TCEAL8: variants seen among roughly 807,000 people sequenced by gnomAD.
The protein encoded by TCEAL8 is transcription elongation factor A like 8.
For missense variants in TCEAL8, 78 were observed against 92.0 expected (o/e 0.85, Z 0.62); for synonymous variants, 41 against 29.6 (o/e 1.38, Z -1.25).
rs1418685224 is a variant in TCEAL8, at chrX:103,254,124, CAA to C, written c.-38-109_-38-108del. ...TTTTTTGACTCAGTACCCTAATTGT[CAA>C]AAGTTTTCCAACTAGAGAAAGCTGG... On this transcript the variant is annotated intron_variant, in intron 2 of 2. Coordinates refer to ENST00000372685, the MANE Select transcript of TCEAL8 (RefSeq NM_153333.3). 4 of 494,174 alleles carry C rather than the reference CAA, an allele frequency of 8.1e-6. No homozygotes were observed. In the East Asian group the frequency reaches 1.5e-4, roughly 18 times the overall value. 40.7% of individuals were successfully genotyped at this position (494,174 alleles called of 1,213,427 possible). A position where few individuals can be genotyped will look rare whatever the true frequency, so the allele number is the denominator to read the frequency against.
At chrX:103,254,212 C>T (rs767407013) in intron 2 of TCEAL8, among the ~76,000 whole-genome samples, 195 bp from the exon 3 acceptor site, 8 of 110,479 alleles carry the variant, frequency 7.2e-5, no homozygotes, top group Non-Finnish European at 1.5e-4. Context: ...CGTTCCAGCT[C>T]CATCTTTCTC....
At chrX:103,254,808 C>T (rs1183381570) in intron 1 of TCEAL8, 131 bp from the exon 2 acceptor site, 1 of 110,747 alleles carries the variant, frequency 9.0e-6, no homozygotes, top group Non-Finnish European at 1.9e-5. Context: ...GCAACCCCGC[C>T]CTCCTCCGTG....
chrX:103,254,986 A>T (rs779004472), intron 1 of TCEAL8, 92 bp downstream of exon 1: 3 of 110,675 alleles, frequency 2.7e-5, no homozygotes, highest in Non-Finnish European at 3.8e-5. Context: ...GGCGGAACAG[A>T]AGTGGGGAAA....
Position 103,253,580 on chromosome X carries a change from CAGAA to C in TCEAL8, c.*42_*45del. 2.9e-6 allele frequency: 3 copies of C among 1,049,915 alleles called. No individual in the cohort carries two copies. The highest frequency in any genetic ancestry group is 3.8e-6 in the Non-Finnish European group (3 of 784,444). 86.5% of individuals were successfully genotyped at this position (1,049,915 alleles called of 1,213,427 possible). ...TCAAAGATACATCAGAAAATGCTAA[CAGAA>C]AGAAAGCTGGGGCCAGATTTTAATA... On this transcript the variant is annotated 3_prime_UTR_variant, in exon 3 of 3. Transcript: ENST00000372685.
chrX:103,255,061 C>G lies in TCEAL8; in HGVS notation c.-112+17G>C, dbSNP rs1032378426. 1.4e-4 allele frequency: 15 copies of G among 110,575 alleles called. No individual in the cohort carries two copies. Among genetic ancestry groups the G allele is most frequent in the African/African-American group, 5.0e-4 (15 of 30,286 alleles). The allele number at this position is 110,575 out of a possible 1,213,427, so 9.1% of individuals were successfully genotyped here. On this transcript the variant is annotated intron_variant, in intron 1 of 2. Transcript: ENST00000372685. The stretch of plus-strand genomic sequence containing the variant: ...CGACCCCAGGGTCTCCAAGTCAGCG[C>G]CCACGTTTATACTAACCTGAAAGGA...
Position 103,253,767 on chromosome X carries a change from G to C in TCEAL8, c.213C>G (p.Asp71Glu). 1 of 1,211,605 alleles carries C rather than the reference G, an allele frequency of 8.3e-7. No homozygotes were observed. Among genetic ancestry groups the C allele is most frequent in the Non-Finnish European group, 1.1e-6 (1 of 895,458 alleles). The part of the protein sequence containing the change: ...FKEDTPVRHL[D>E]PEEMIRGVDE... ...CTACTCCTCTTATCATTTCTTCAGG[G>C]TCCAAATGCCTAACGGGTGTGTCCT... Residue 71 changes from aspartate (D) to glutamate (E), a missense_variant, in exon 3 of 3, where the codon GAC becomes GAG. Asp to Glu is a conservative substitution (Grantham distance 45). Transcript: ENST00000372685.
chrX:103,254,559 CCCA>C (rs1925186143), intron 2 of TCEAL8, 43 bp downstream of exon 2: 2 of 112,557 alleles, frequency 1.8e-5, no homozygotes, highest in African/African-American at 6.5e-5. Flanking sequence ...CACTTCCACC[CCCA>C]CCCGAAGAGA....
At position 103,253,415 on chromosome X, in the gene TCEAL8, T is replaced by C. The variant is rs1268719475; in HGVS notation, c.*211A>G. 2.4e-6 allele frequency: 1 copy of C among 411,311 alleles called. No homozygotes were observed. The highest frequency in any genetic ancestry group is 2.5e-5 in the African/African-American group (1 of 40,266). 33.9% of individuals were successfully genotyped at this position (411,311 alleles called of 1,213,427 possible). On this transcript the variant is annotated 3_prime_UTR_variant, in exon 3 of 3. Transcript: ENST00000372685. ...TACTTTACAACATGGAATGAACATATTCCCATGCAAATGTGTGAAAGTTTC... is the reference window on the plus strand; with the variant it reads ...TACTTTACAACATGGAATGAACATACTCCCATGCAAATGTGTGAAAGTTTC...
At chrX:103,254,889 C>G (rs1390737785) in intron 1 of TCEAL8, among the ~76,000 whole-genome samples, 189 bp downstream of exon 1, 1 of 110,537 alleles carries the variant, frequency 9.0e-6, no homozygotes, top group African/African-American at 3.3e-5. Flanking sequence ...GTCTCTCTCT[C>G]AGGACCCTTA....
chrX:103,253,535 G>T lies in TCEAL8; in HGVS notation c.*91C>A. ...TACCTAAAACAAAATTTCATCAGATGATTAAAAGTAAAATGGAGGTCAAAG... is the reference window on the plus strand; with the variant it reads ...TACCTAAAACAAAATTTCATCAGATTATTAAAAGTAAAATGGAGGTCAAAG... On this transcript the variant is annotated 3_prime_UTR_variant, in exon 3 of 3. Coordinates refer to ENST00000372685, the MANE Select transcript of TCEAL8 (RefSeq NM_153333.3). 1.3e-6 allele frequency: 1 copy of T among 771,297 alleles called. No individual in the cohort carries two copies. Among genetic ancestry groups the T allele is most frequent in the Non-Finnish European group, 1.8e-6 (1 of 556,868 alleles). The allele number at this position is 771,297 out of a possible 1,213,427, so 63.6% of individuals were successfully genotyped here. A position where few individuals can be genotyped will look rare whatever the true frequency, so the allele number is the denominator to read the frequency against.
At position 103,254,400 on chromosome X, in the gene TCEAL8, C is replaced by T. The variant is rs764421854; in HGVS notation, c.-39+205G>A. Among the ~76,000 whole-genome samples the T allele has an allele frequency of 3.0e-4, 33 of 110,821 alleles. 1 individual carries two copies. In the South Asian group the frequency reaches 0.013, roughly 43 times the overall value. ...AGCCTCTCACCTGAGACGGCTGGTCCAGTCTCTGGCCTCCCCTCCCCCTTC... is the reference window on the plus strand; with the variant it reads ...AGCCTCTCACCTGAGACGGCTGGTCTAGTCTCTGGCCTCCCCTCCCCCTTC... On this transcript the variant is annotated intron_variant, in intron 2 of 2. Coordinates refer to ENST00000372685, the MANE Select transcript of TCEAL8 (RefSeq NM_153333.3).
At chrX:103,254,164 A>T (rs1232265814) in intron 2 of TCEAL8, 147 bp from the exon 3 acceptor site, 1 of 435,331 alleles carries the variant, frequency 2.3e-6, no homozygotes, top group Non-Finnish European at 3.9e-6. Context: ...CCTCAGGCTC[A>T]GAACTCCCCT....
intron 1 of TCEAL8, 60 bp from the exon 2 acceptor site, chrX:103,254,737 A>G (rs890760392): frequency 1.6e-4 from 18 of 111,096 alleles, no homozygotes; most frequent in African/African-American, 5.9e-4. Context: ...GGTCCCTTTC[A>G]TGATTCTAGG....
At position 103,253,756 on chromosome X, in the gene TCEAL8, A is replaced by C; in HGVS notation, c.224T>G (p.Met75Arg). 1 of 1,211,449 alleles carries C rather than the reference A, an allele frequency of 8.3e-7. No individual in the cohort carries two copies. The highest frequency in any genetic ancestry group is 1.1e-6 in the Non-Finnish European group (1 of 895,432). ...TTCAAGCTCATCTACTCCTCTTATC[A>C]TTTCTTCAGGGTCCAAATGCCTAAC... is the stretch of plus-strand genomic sequence containing the variant. ...TPVRHLDPEE[M>R]IRGVDELERL... The change falls in exon 3 of 3, where the codon ATG becomes AGG. Residue 75 changes from methionine to arginine, a missense_variant. By Grantham distance (91) the Met-to-Arg change is moderately conservative. Coordinates refer to ENST00000372685, the MANE Select transcript of TCEAL8 (RefSeq NM_153333.3).
In TCEAL8 at chrX:103,253,692, A is replaced by G; in HGVS notation, c.288T>C (p.Phe96=). 8.2e-7 allele frequency: 1 copy of G among 1,212,131 alleles called. No individual in the cohort carries two copies. The highest frequency in any genetic ancestry group is 1.1e-6 in the Non-Finnish European group (1 of 895,573). ...REEIRRVRNK[F]VMMHWKQRHS... is the part of the protein sequence containing the mutation. ...GTCTTTGCTTCCAATGCATCATCAC[A>G]AACTTGTTTCTTACTCTTCTTATCT... The change falls in exon 3 of 3, where the codon TTT becomes TTC. Residue 96 remains phenylalanine, a synonymous_variant. Transcript: ENST00000372685.
At chrX:103,254,147 G>A in intron 2 of TCEAL8, 130 bp from the exon 3 acceptor site, 1 of 453,249 alleles carries the variant, frequency 2.2e-6, no homozygotes, top group East Asian at 3.7e-5. Flanking sequence ...ACTAGAGAAA[G>A]CTGGATCCTC....
Position 103,253,206 on chromosome X carries a change from A to C in TCEAL8, c.*420T>G. ...TGTTCATTAAAAAGTACATATAAGC[A>C]AAAAGAACAAAAAGAAGAAAACAAA... On this transcript the variant is annotated 3_prime_UTR_variant, in exon 3 of 3. Transcript: ENST00000372685. 8.0e-6 allele frequency: 1 copy of C among 124,556 alleles called. No homozygotes were observed. The highest frequency in any genetic ancestry group is 3.9e-3 in the Middle Eastern group (1 of 256). The allele number at this position is 124,556 out of a possible 1,213,427, so 10.3% of individuals were successfully genotyped here.
rs1222171959 is a variant in TCEAL8 at position 103,253,890 on chromosome X, C to G, written c.90G>C (p.Glu30Asp). The G allele has an allele frequency of 4.9e-6, 6 of 1,212,124 alleles. No homozygotes were observed. Among genetic ancestry groups the G allele is most frequent in the Non-Finnish European group, 6.7e-6 (6 of 895,475 alleles). ...EDRPLEDVPQ[E>D]AEGNPQPSEE... ...CGGAAGGTTGAGGATTTCCTTCTGCCTCCTGTGGTACATCCTCCAAAGGGC... is the reference window on the plus strand; with the variant it reads ...CGGAAGGTTGAGGATTTCCTTCTGCGTCCTGTGGTACATCCTCCAAAGGGC... The change falls in exon 3 of 3, where the codon GAG (glutamate) becomes GAC (aspartate). Residue 30 changes from glutamate (E) to aspartate (D), a missense_variant. Transcript: ENST00000372685.
chrX:103,254,207 C>G (rs945495560), intron 2 of TCEAL8, among the ~76,000 whole-genome samples, 190 bp from the exon 3 acceptor site: 1 of 110,336 alleles, frequency 9.1e-6, no homozygotes, highest in African/African-American at 3.3e-5. Flanking sequence ...CCTTTCGTTC[C>G]AGCTCCATCT....
Sources: allele counts gnomAD v4.1 joint callset (sites outside exome capture counted in the v4.1 genomes callset), GRCh38; gene constraint gnomAD v4.1.1; transcripts MANE v1.5; gene names NCBI Gene and HGNC (gene_info 2026-07-23, HGNC 2026-07-21).